The following SYK variants were observed in gnomAD, a reference collection of about 807,000 sequenced individuals.
The protein encoded by SYK is spleen associated tyrosine kinase.
Under a neutral mutation model 77.8 loss-of-function variants are expected in SYK, and 16 were observed. The observed-to-expected ratio is 0.21, with a 90% CI of 0.14 to 0.31. SYK has a LOEUF of 0.31. Ranked by LOEUF, SYK falls within the 10% of genes least tolerant of loss-of-function variation. SYK has a pLI of 1.00. For missense variants in SYK, 529 were observed against 814.4 expected (o/e 0.65, Z 4.26); for synonymous variants, 312 against 308.7 (o/e 1.01, Z -0.11).
rs1167591435 is a variant in SYK, at chr9:90,898,071, G to A, written c.*2471G>A. 1 of 228,094 alleles carries A rather than the reference G, an allele frequency of 4.4e-6. No individual in the cohort carries two copies. The highest frequency in any genetic ancestry group is 5.7e-5 in the Admixed American group (1 of 17,594). 14.1% of individuals were successfully genotyped at this position (228,094 alleles called of 1,614,324 possible). A position where few individuals can be genotyped will look rare whatever the true frequency, so the allele number is the denominator to read the frequency against. On this transcript the variant is annotated 3_prime_UTR_variant, in exon 14 of 14. Transcript: ENST00000375754. ...ATTGTTCTACCCAAGCTTTTCCCTG[G>A]GGTCTGGGCTCACTCCATAAGGTAA... is the stretch of plus-strand genomic sequence containing the variant.
chr9:90,870,445 A>G (rs1827685813), intron 7 of SYK, among the ~76,000 whole-genome samples: 1 of 152,252 alleles, frequency 6.6e-6, no homozygotes, highest in Admixed American at 6.5e-5. Context: ...ATTGGTGATT[A>G]TAATATTTTA....
At chr9:90,853,193 A>G (rs1405087731) in intron 3 of SYK, among the ~76,000 whole-genome samples, 4 of 149,124 alleles carry the variant, frequency 2.7e-5, no homozygotes, top group East Asian at 2.0e-4. Flanking sequence ...GAGGGACAAC[A>G]TGGTTCATCG....
At chr9:90,868,448 G>A (rs558767298) in intron 7 of SYK, among the ~76,000 whole-genome samples, 47 of 152,230 alleles carry the variant, frequency 3.1e-4, no homozygotes, top group African/African-American at 9.1e-4. Flanking sequence ...GAGAAACTGG[G>A]AGTAAGTAGC....
intron 1 of SYK, among the ~76,000 whole-genome samples, chr9:90,803,920 G>A (rs1013440634): frequency 6.6e-6 from 1 of 151,736 alleles, no homozygotes; most frequent in Non-Finnish European, 1.5e-5. Context: ...TTAAGAACAT[G>A]AATATTCTCA....
At chr9:90,813,002 G>A (rs12686576) in intron 1 of SYK, among the ~76,000 whole-genome samples, 19,183 of 152,032 alleles carry the variant, frequency 0.13, 1,335 homozygotes, top group Middle Eastern at 0.22. Context: ...TGGTCAGATA[G>A]CAAAACTGAC....
Position 90,814,108 on chromosome 9 carries a change from A to G in SYK, c.-42+12215A>G, listed in dbSNP as rs75394716. Among the ~76,000 whole-genome samples the G allele has an allele frequency of 1.2e-4, 17 of 147,474 alleles. No homozygotes were observed. The East Asian group carries it at 3.3e-3, about 28-fold the overall frequency. Reference sequence around the variant, plus strand: ...AAAGTTATTTCTCATATTGTAATATATCAGATATGACTTGGATATAGTCAA... The same window carrying G: ...AAAGTTATTTCTCATATTGTAATATGTCAGATATGACTTGGATATAGTCAA... On this transcript the variant is annotated intron_variant, in intron 1 of 13. Transcript: ENST00000375754.
At chr9:90,866,022 G>C (rs199553283) in intron 6 of SYK, among the ~76,000 whole-genome samples, 3 of 147,818 alleles carry the variant, frequency 2.0e-5, no homozygotes, top group Non-Finnish European at 4.5e-5. Context: ...CCTCAGCCTC[G>C]CGAGTAGCTG....
At chr9:90,882,643 G>A (rs1828200010) in intron 11 of SYK, among the ~76,000 whole-genome samples, 1 of 152,210 alleles carries the variant, frequency 6.6e-6, no homozygotes, top group Non-Finnish European at 1.5e-5. Context: ...ATTGACCTGG[G>A]TGGAGAACTG....
At chr9:90,807,527 C>T (rs1298192757) in intron 1 of SYK, among the ~76,000 whole-genome samples, 3 of 141,012 alleles carry the variant, frequency 2.1e-5, no homozygotes, top group Non-Finnish European at 4.7e-5. Context: ...CTGCAGTGCT[C>T]GGTACCTGGT....
intron 1 of SYK, among the ~76,000 whole-genome samples, chr9:90,817,880 TGTGA>T (rs1276587327): frequency 5.6e-4 from 34 of 60,904 alleles, no homozygotes; most frequent in Middle Eastern, 0.013. Context: ...TGTGTGTGTG[TGTGA>T]GAGAGAGAGA....
chr9:90,884,389 G>GTGTATA (rs1828343064), intron 11 of SYK, among the ~76,000 whole-genome samples: 1 of 69,426 alleles, frequency 1.4e-5, no homozygotes, highest in Non-Finnish European at 3.0e-5. Context: ...GTGTATATAT[G>GTGTATA]CATACATACA....
At chr9:90,884,951 A>G (rs1828502024) in intron 11 of SYK, among the ~76,000 whole-genome samples, 1 of 104,938 alleles carries the variant, frequency 9.5e-6, no homozygotes, top group African/African-American at 4.1e-5. Flanking sequence ...GTATATATAT[A>G]CACACATATA....
intron 12 of SYK, 135 bp from the exon 13 acceptor site, chr9:90,888,380 G>A (rs1441396849): frequency 7.4e-6 from 5 of 679,266 alleles, no homozygotes; most frequent in Non-Finnish European, 1.2e-5. Context: ...CACAGATTAA[G>A]TGCTCCTGTT....
intron 1 of SYK, among the ~76,000 whole-genome samples, chr9:90,814,304 T>A (rs1825209685): frequency 6.6e-6 from 1 of 152,182 alleles, no homozygotes; most frequent in Non-Finnish European, 1.5e-5. Context: ...GTCTCTGTCA[T>A]CCCTGCTAAG....
At chr9:90,853,669 A>G (rs908637550) in intron 3 of SYK, among the ~76,000 whole-genome samples, 10 of 152,088 alleles carry the variant, frequency 6.6e-5, no homozygotes, top group Non-Finnish European at 1.2e-4. Context: ...GGAACTGAAC[A>G]TTGAGAACAC....
At chr9:90,874,389 A>G (rs56367477) in intron 8 of SYK, 98 bp downstream of exon 8, 73,015 of 1,215,328 alleles carry the variant, frequency 0.06, 2,793 homozygotes, top group South Asian at 0.15. Context: ...CACGTCCGTG[A>G]TTGCAATACA....
chr9:90,816,463 C>T (rs1351584593), intron 1 of SYK, among the ~76,000 whole-genome samples: 1 of 152,156 alleles, frequency 6.6e-6, no homozygotes, highest in Non-Finnish European at 1.5e-5. Context: ...GTGGATGTAA[C>T]TCTTCTGTCT....
chr9:90,857,526 A>G (rs1293204797), intron 3 of SYK, among the ~76,000 whole-genome samples: 5 of 152,202 alleles, frequency 3.3e-5, no homozygotes, highest in Non-Finnish European at 7.3e-5. Flanking sequence ...GGCCTCAGAT[A>G]GGGATTGTGT....
At chr9:90,885,056 C>T (rs1288277156) in intron 11 of SYK, among the ~76,000 whole-genome samples, 3 of 150,234 alleles carry the variant, frequency 2.0e-5, no homozygotes, top group African/African-American at 7.4e-5. Flanking sequence ...TTTCAAAAAA[C>T]TGGAAGAAAT....
Sources: allele counts gnomAD v4.1 joint callset (sites outside exome capture counted in the v4.1 genomes callset), GRCh38; gene constraint gnomAD v4.1.1; transcripts MANE v1.5; gene names NCBI Gene and HGNC (gene_info 2026-07-23, HGNC 2026-07-21).